The following SERPINA3 variants were observed in gnomAD, a reference collection of about 807,000 sequenced individuals.
SERPINA3 encodes alpha-1-antichymotrypsin.
Under a neutral mutation model 26.8 loss-of-function variants are expected in SERPINA3, and 32 were observed. That is an observed-to-expected ratio of 1.20 (90% CI 0.90 to 1.61). SERPINA3 has a LOEUF of 1.61. Ranked by LOEUF, SERPINA3 falls within the 40% of genes most tolerant of loss-of-function variation. SERPINA3 has a pLI of 0.00. For synonymous variants in SERPINA3, 252 were observed against 206.4 expected (o/e 1.22, Z -1.89); for missense variants, 632 against 517.9 (o/e 1.22, Z -2.14).
rs1885915053 is a variant in SERPINA3 at position 94,614,617 on chromosome 14, G to T, written c.176G>T (p.Ser59Ile). The change falls in exon 2 of 5, where the codon AGC becomes ATC. Residue 59 changes from serine to isoleucine, a missense_variant. Physicochemically the swap from Ser to Ile is moderately radical, Grantham distance 142 (BLOSUM62 -2). Transcript: ENST00000393078. ...LASANVDFAFSLYKQLVLKAP... is the reference protein window; with the variant it reads ...LASANVDFAFILYKQLVLKAP... ...TCCGCCAACGTGGACTTCGCTTTCA[G>T]CCTGTACAAGCAGTTAGTCCTGAAG... 2.5e-6 allele frequency: 4 copies of T among 1,614,112 alleles called. No homozygotes were observed.
At position 94,619,273 on chromosome 14, in the gene SERPINA3, T is replaced by C; in HGVS notation, c.722T>C (p.Val241Ala). The C allele has an allele frequency of 6.2e-6, 10 of 1,614,076 alleles. No individual in the cohort carries two copies. The highest frequency in any genetic ancestry group is 1.1e-5 in the South Asian group (1 of 91,062). Residue 241 changes from valine to alanine, a missense_variant, in exon 3 of 5, where the codon GTG becomes GCG. Val to Ala is a moderately conservative substitution (Grantham distance 64). Transcript: ENST00000393078. ...FYLSKKKWVM[V>A]PMMSLHHLTI... ...TTGAGCAAGAAAAAGTGGGTAATGG[T>C]GCCCATGATGAGTTTGCATCACCTG...
chr14:94,619,174 A>C, intron 2 of SERPINA3, 21 bp from the exon 3 acceptor site: 1 of 1,614,072 alleles, frequency 6.2e-7, no homozygotes, highest in Non-Finnish European at 8.5e-7. Flanking sequence ...CACCTTCTCC[A>C]ACTGCTTGCT....
At chr14:94,613,093 G>A (rs1885844213) in intron 1 of SERPINA3, among the ~76,000 whole-genome samples, 1 of 152,218 alleles carries the variant, frequency 6.6e-6, no homozygotes, top group Non-Finnish European at 1.5e-5. Flanking sequence ...CAGCCTGAGA[G>A]TGAACAGTTG....
intron 4 of SERPINA3, 80 bp from the exon 5 acceptor site, chr14:94,623,531 C>A (rs1320244926): frequency 6.1e-6 from 8 of 1,314,244 alleles, no homozygotes; most frequent in Middle Eastern, 2.5e-4. Flanking sequence ...GCACATTAGA[C>A]CCCTTAGTGG....
At chr14:94,613,555 A>T (rs1477197109) in intron 1 of SERPINA3, 1 of 152,126 alleles carries the variant, frequency 6.6e-6, no homozygotes, top group African/African-American at 2.4e-5. Flanking sequence ...TGAGCCACTT[A>T]ACAGGTTGTG....
intron 3 of SERPINA3, chr14:94,619,813 A>T: frequency 2.6e-6 from 1 of 388,592 alleles, no homozygotes; most frequent in South Asian, 2.6e-5. Context: ...TGAGGGCTGC[A>T]GTGAGATGGA....
At chr14:94,620,276 A>G (rs1886153139) in intron 3 of SERPINA3, among the ~76,000 whole-genome samples, 1 of 152,182 alleles carries the variant, frequency 6.6e-6, no homozygotes, top group Admixed American at 6.5e-5. Flanking sequence ...AGTGAGCTTG[A>G]TGTGGTCAAA....
intron 1 of SERPINA3, chr14:94,613,742 T>C (rs1458848912): frequency 6.6e-6 from 1 of 152,406 alleles, no homozygotes. Context: ...CGTGGCAACC[T>C]GGCAGGGGCA....
chr14:94,614,760 C>G lies in SERPINA3; in HGVS notation c.319C>G (p.Leu107Val). The change falls in exon 2 of 5, where the codon CTC becomes GTC. Residue 107 changes from leucine to valine, a missense_variant. Transcript: ENST00000393078. The stretch of plus-strand genomic sequence containing the variant: ...GATTCTCAAAGGCCTCAAGTTCAAC[C>G]TCACGGAGACTTCTGAGGCAGAAAT... ...TEILKGLKFNLTETSEAEIHQ... is the reference protein window; with the variant it reads ...TEILKGLKFNVTETSEAEIHQ... 1 of 1,614,218 alleles carries G rather than the reference C, an allele frequency of 6.2e-7. No individual in the cohort carries two copies. Among genetic ancestry groups the G allele is most frequent in the Non-Finnish European group, 8.5e-7 (1 of 1,180,036 alleles).
intron 3 of SERPINA3, 57 bp downstream of exon 3, chr14:94,619,525 T>A (rs531397768): frequency 1.9e-6 from 3 of 1,603,280 alleles, no homozygotes; most frequent in Non-Finnish European, 2.6e-6. Flanking sequence ...GTCTCACCAA[T>A]GTCCAGGGAC....
chr14:94,613,726 A>T (rs1885870878), intron 1 of SERPINA3: 1 of 152,364 alleles, frequency 6.6e-6, no homozygotes, highest in South Asian at 2.1e-4. Context: ...GTGGACACAG[A>T]CACCACGTGG....
At chr14:94,615,227 TGCCCATAGGCATCGCCGTCTCCTGTGG>T (rs998777853) in intron 2 of SERPINA3, 143 bp downstream of exon 2, 3 of 918,614 alleles carry the variant, frequency 3.3e-6, no homozygotes, top group Non-Finnish European at 5.3e-6. Context: ...GGCCCCACCC[TGCCCATAGGCATCGCCGTCTCCTGTGG>T]GGTTTTTCCA....
intron 1 of SERPINA3, among the ~76,000 whole-genome samples, chr14:94,612,733 C>T (rs1885829386): frequency 6.6e-6 from 1 of 152,206 alleles, no homozygotes; most frequent in South Asian, 2.1e-4. Flanking sequence ...TTTGAGTCAG[C>T]TGTGCATCTG....
At chr14:94,616,622 C>T (rs1188007041) in intron 2 of SERPINA3, among the ~76,000 whole-genome samples, 1 of 152,098 alleles carries the variant, frequency 6.6e-6, no homozygotes, top group African/African-American at 2.4e-5. Flanking sequence ...GATGCTAGAA[C>T]TATGTATTCA....
intron 3 of SERPINA3, chr14:94,619,732 A>C: frequency 3.8e-6 from 2 of 532,552 alleles, no homozygotes; most frequent in African/African-American, 3.8e-5. Flanking sequence ...ACAGTCCCAA[A>C]CACTCATGCA....
chr14:94,620,095 G>A (rs1886144895), intron 3 of SERPINA3: 2 of 332,182 alleles, frequency 6.0e-6, no homozygotes, highest in Non-Finnish European at 1.1e-5. Context: ...AGAGGAGGAT[G>A]AAAGGATCAG....
At chr14:94,620,519 G>A (rs1206662939) in intron 3 of SERPINA3, among the ~76,000 whole-genome samples, 1 of 152,192 alleles carries the variant, frequency 6.6e-6, no homozygotes, top group African/African-American at 2.4e-5. Context: ...GTGAAATGGA[G>A]AGCCATCAGG....
intron 2 of SERPINA3, chr14:94,618,541 A>C: frequency 6.2e-6 from 1 of 161,314 alleles, no homozygotes; most frequent in Non-Finnish European, 1.4e-5. Flanking sequence ...GACCATAGCC[A>C]GCTCATGGCT....
At chr14:94,620,474 T>C (rs906047049) in intron 3 of SERPINA3, among the ~76,000 whole-genome samples, 2 of 152,162 alleles carry the variant, frequency 1.3e-5, no homozygotes, top group Admixed American at 6.5e-5. Context: ...TAGGGCCACG[T>C]AGACCCCTAG....
Sources: gnomAD v4.1 joint callset for allele counts (sites outside exome capture counted in the v4.1 genomes callset) on GRCh38, gnomAD v4.1.1 for gene constraint, MANE v1.5 for transcripts, NCBI Gene and HGNC (gene_info 2026-07-23, HGNC 2026-07-21) for gene names.